The following SECTM1 variants were observed in gnomAD, a reference collection of about 807,000 sequenced individuals.
SECTM1 encodes the protein secreted and transmembrane protein 1.
Under a neutral mutation model 18.1 loss-of-function variants are expected in SECTM1, and 10 were observed. The observed-to-expected ratio is 0.55, with a 90% CI of 0.34 to 0.94. The LOEUF (loss-of-function observed/expected upper bound fraction) is 0.94. Among genes scored for constraint, SECTM1 ranks in the 40% least tolerant of loss-of-function variants. The pLI is 0.02. For synonymous variants in SECTM1, 137 were observed against 139.2 expected, an observed-to-expected ratio of 0.98 and a Z score of 0.11; for missense variants, 297 against 322.6, an observed-to-expected ratio of 0.92 and a Z score of 0.61.
rs962022562 is a variant in SECTM1, at chr17:82,321,475, G to A, written c.*686C>T. Reference sequence around the variant, plus strand: ...AACAGATCTGGGTCCAAAGAGGCTCGGCAGGTGCGGTGGGCACGAGGGAGC... The same window carrying A: ...AACAGATCTGGGTCCAAAGAGGCTCAGCAGGTGCGGTGGGCACGAGGGAGC... On this transcript the variant is annotated 3_prime_UTR_variant, in exon 5 of 5. Transcript: ENST00000269389. 16 of 152,474 alleles carry A rather than the reference G, an allele frequency of 1.0e-4. No individual in the cohort carries two copies. Among genetic ancestry groups the A allele is most frequent in the African/African-American group, 3.9e-4 (16 of 41,466 alleles). 9.4% of individuals were successfully genotyped at this position (152,474 alleles called of 1,614,324 possible).
At position 82,321,433 on chromosome 17, in the gene SECTM1, A is replaced by G. The variant is rs1485373214; in HGVS notation, c.*728T>C. The G allele has an allele frequency of 6.6e-6, 1 of 152,268 alleles. No individual in the cohort carries two copies. Among genetic ancestry groups the G allele is most frequent in the Non-Finnish European group, 1.5e-5 (1 of 68,072 alleles). 9.4% of individuals were successfully genotyped at this position (152,268 alleles called of 1,614,324 possible). On this transcript the variant is annotated 3_prime_UTR_variant, in exon 5 of 5. Coordinates refer to ENST00000269389, the MANE Select transcript of SECTM1 (RefSeq NM_003004.3). Reference sequence around the variant, plus strand: ...GACATCAAAGGGCCCCGCCGCAGTGACGAAGACAAAAGCATGAACAGATCT... The same window carrying G: ...GACATCAAAGGGCCCCGCCGCAGTGGCGAAGACAAAAGCATGAACAGATCT...
Position 82,322,232 on chromosome 17 carries a change from T to G in SECTM1, c.676A>C (p.Lys226Gln), listed in dbSNP as rs757235698. ...PTPRPLALVF[K>Q]PSPLGALELL... Reference sequence around the variant, plus strand: ...TCCAGGGCTCCAAGTGGTGAGGGTTTGAACACCAGTGCCAGCGGCCTTGGG... The same window carrying G: ...TCCAGGGCTCCAAGTGGTGAGGGTTGGAACACCAGTGCCAGCGGCCTTGGG... The change falls in exon 5 of 5, where the codon AAA becomes CAA. Residue 226 changes from lysine (K) to glutamine (Q), a missense_variant. Physicochemically the swap from Lys to Gln is moderately conservative, Grantham distance 53. Transcript: ENST00000269389. 1 of 1,612,086 alleles carries G rather than the reference T, an allele frequency of 6.2e-7. No individual in the cohort carries two copies. Among genetic ancestry groups the G allele is most frequent in the South Asian group, 1.1e-5 (1 of 90,950 alleles).
rs140568450 is a variant in SECTM1 at position 82,325,779 on chromosome 17, C to A, written c.95-889G>T. 6.6e-6 allele frequency among the ~76,000 whole-genome samples: 1 copy of A among 152,236 alleles called. No homozygotes were observed. The highest frequency in any genetic ancestry group is 2.4e-5 in the African/African-American group (1 of 41,462). ...GGTGCTGCTACTGTCCCTGCTGCGT[C>A]AGCGTCCACCAGTGACTGGACACGG... On this transcript the variant is annotated intron_variant, in intron 2 of 4. Transcript: ENST00000269389. This position sits in a 1 kb window ranked among gnomAD's most constrained non-coding sequence, Gnocchi z 7.6.
Position 82,321,431 on chromosome 17 carries a change from T to C in SECTM1, c.*730A>G, listed in dbSNP as rs2052086727. On this transcript the variant is annotated 3_prime_UTR_variant, in exon 5 of 5. Transcript: ENST00000269389. ...AAGACATCAAAGGGCCCCGCCGCAG[T>C]GACGAAGACAAAAGCATGAACAGAT... 6.6e-6 allele frequency: 1 copy of C among 152,216 alleles called. No homozygotes were observed. The highest frequency in any genetic ancestry group is 2.4e-5 in the African/African-American group (1 of 41,442). The allele number at this position is 152,216 out of a possible 1,614,324, so 9.4% of individuals were successfully genotyped here. A position where few individuals can be genotyped will look rare whatever the true frequency, so the allele number is the denominator to read the frequency against.
rs992165325 is a variant in SECTM1 at position 82,326,958 on chromosome 17, G to A, written c.94+189C>T. On this transcript the variant is annotated intron_variant, in intron 2 of 4. Transcript: ENST00000269389. This position sits in a 1 kb window ranked among gnomAD's most constrained non-coding sequence, Gnocchi z 4.3. ...CTCACCACCACCCTCCACCCACGGC[G>A]GGACACGGTCCACTCACCGCCACCT... Among the ~76,000 whole-genome samples the A allele has an allele frequency of 6.6e-6, 1 of 151,820 alleles. No individual in the cohort carries two copies. Among genetic ancestry groups the A allele is most frequent in the Non-Finnish European group, 1.5e-5 (1 of 67,898 alleles).
rs1172015287 is a variant in SECTM1, at chr17:82,326,163, G to T, written c.94+984C>A. Among the ~76,000 whole-genome samples the T allele has an allele frequency of 6.6e-6, 1 of 152,272 alleles. No homozygotes were observed. The highest frequency in any genetic ancestry group is 1.5e-5 in the Non-Finnish European group (1 of 68,042). On this transcript the variant is annotated intron_variant, in intron 2 of 4. Coordinates refer to ENST00000269389, the MANE Select transcript of SECTM1 (RefSeq NM_003004.3). This position sits in a 1 kb window ranked among gnomAD's most constrained non-coding sequence, Gnocchi z 4.3. Reference sequence around the variant, plus strand: ...TACACTTTGGAACCACTGTTGGGGGGTGGGGGCAGAATCTCCCGAAACCAG... The same window carrying T: ...TACACTTTGGAACCACTGTTGGGGGTTGGGGGCAGAATCTCCCGAAACCAG...
At position 82,329,385 on chromosome 17, in the gene SECTM1, G is replaced by A. The variant is rs1378947146; in HGVS notation, c.-52-2093C>T. 1 of 152,484 alleles carries A rather than the reference G, an allele frequency of 6.6e-6. No individual in the cohort carries two copies. The highest frequency in any genetic ancestry group is 1.5e-5 in the Non-Finnish European group (1 of 68,246). 9.4% of individuals were successfully genotyped at this position (152,484 alleles called of 1,614,324 possible). A position where few individuals can be genotyped will look rare whatever the true frequency, so the allele number is the denominator to read the frequency against. Reference sequence around the variant, plus strand: ...GAGGCTCAGGGATGGTCCCACATTGGCGCAGGCTGCGGGTGCCGTGTCCTG... The same window carrying A: ...GAGGCTCAGGGATGGTCCCACATTGACGCAGGCTGCGGGTGCCGTGTCCTG... On this transcript the variant is annotated intron_variant, in intron 1 of 4. Transcript: ENST00000269389. The surrounding 1 kb of genome is among the most constrained non-coding windows in gnomAD (Gnocchi z 7.6).
In SECTM1 at chr17:82,322,958, C is replaced by A. The variant is rs2052109114; in HGVS notation, c.457G>T (p.Val153Phe). The A allele has an allele frequency of 1.2e-6, 2 of 1,613,728 alleles. No homozygotes were observed. Among genetic ancestry groups the A allele is most frequent in the Non-Finnish European group, 8.5e-7 (1 of 1,179,928 alleles). ...ACCAAGAGGATGAAGACAGCAGTGA[C>A]CACCGCTGGCACAGGCCAGAACCCA... ...DTGFWPVPAVVTAVFILLVAL... is the reference protein window; with the variant it reads ...DTGFWPVPAVFTAVFILLVAL... Residue 153 changes from valine to phenylalanine, a missense_variant, in exon 4 of 5, where the codon GTC becomes TTC. Coordinates refer to ENST00000269389, the MANE Select transcript of SECTM1 (RefSeq NM_003004.3).
At position 82,329,631 on chromosome 17, in the gene SECTM1, G is replaced by A. The variant is rs1004742746; in HGVS notation, c.-52-2339C>T. On this transcript the variant is annotated intron_variant, in intron 1 of 4. Transcript: ENST00000269389. This position sits in a 1 kb window ranked among gnomAD's most constrained non-coding sequence, Gnocchi z 7.6. ...GCTCGGGCCCCATCTCCCATCATAC[G>A]TCCAGCATTCTAGATTAGCTGGAAG... Among the ~76,000 whole-genome samples, 12 of 151,892 alleles carry A rather than the reference G, an allele frequency of 7.9e-5. No individual in the cohort carries two copies. The highest frequency in any genetic ancestry group is 4.6e-4 in the Admixed American group (7 of 15,226).
chr17:82,327,256 G>A lies in SECTM1; in HGVS notation c.-16C>T, dbSNP rs1162602168. ...AGGTCTGCATGGCTGGTGGGACTTGGGCCCCTGGTCCTTGTCACTGGCTCT... is the reference window on the plus strand; with the variant it reads ...AGGTCTGCATGGCTGGTGGGACTTGAGCCCCTGGTCCTTGTCACTGGCTCT... On this transcript the variant is annotated 5_prime_UTR_variant, in exon 2 of 5. Coordinates refer to ENST00000269389, the MANE Select transcript of SECTM1 (RefSeq NM_003004.3). The A allele has an allele frequency of 6.3e-7, 1 of 1,592,316 alleles. No individual in the cohort carries two copies. Among genetic ancestry groups the A allele is most frequent in the Non-Finnish European group, 8.6e-7 (1 of 1,168,204 alleles).
chr17:82,333,920 G>T (rs1166359995), upstream of SECTM1: 2 of 152,274 alleles, frequency 1.3e-5, no homozygotes, highest in African/African-American at 4.8e-5. Flanking sequence ...TTATTTTCAC[G>T]GGAGGCACCG....
At position 82,328,779 on chromosome 17, in the gene SECTM1, G is replaced by C. The variant is rs183968264; in HGVS notation, c.-52-1487C>G. On this transcript the variant is annotated intron_variant, in intron 1 of 4. Coordinates refer to ENST00000269389, the MANE Select transcript of SECTM1 (RefSeq NM_003004.3). This position sits in a 1 kb window ranked among gnomAD's most constrained non-coding sequence, Gnocchi z 5.8. Reference sequence around the variant, plus strand: ...TTTCAGCCGAGAGAACTCCACCTTCGAAGGCGGCTGGGGCAAGGGTTCGTG... The same window carrying C: ...TTTCAGCCGAGAGAACTCCACCTTCCAAGGCGGCTGGGGCAAGGGTTCGTG... Among the ~76,000 whole-genome samples the C allele has an allele frequency of 6.6e-6, 1 of 152,120 alleles. No homozygotes were observed. The highest frequency in any genetic ancestry group is 2.4e-5 in the African/African-American group (1 of 41,416).
At chr17:82,323,249 A>G in intron 3 of SECTM1, 1 of 542,234 alleles carries the variant, frequency 1.8e-6, no homozygotes, top group Admixed American at 3.3e-5. Flanking sequence ...AGCGAGGGAA[A>G]CATCTACCCC....
rs1054345547 is a variant in SECTM1 at position 82,322,750 on chromosome 17, G to A, written c.537+128C>T. ...GGCCCCTGGCGGGGACTGGCTCTCT[G>A]GGACCGGTGCTCCCCCCACCCTCTC... On this transcript the variant is annotated intron_variant, in intron 4 of 4. Transcript: ENST00000269389. 5.8e-6 allele frequency: 7 copies of A among 1,202,384 alleles called. No homozygotes were observed. The Admixed American group carries it at 1.0e-4, about 17-fold the overall frequency. 74.5% of individuals were successfully genotyped at this position (1,202,384 alleles called of 1,614,324 possible).
At chr17:82,322,828 C>T (rs1215316487) in intron 4 of SECTM1, 50 bp downstream of exon 4, 5 of 1,603,854 alleles carry the variant, frequency 3.1e-6, no homozygotes, top group Admixed American at 3.4e-5. Context: ...CTGGGGCAGC[C>T]CCACCCAAGA....
At position 82,324,692 on chromosome 17, in the gene SECTM1, C is replaced by T. The variant is rs1174275297; in HGVS notation, c.293G>A (p.Gly98Asp). 1 of 1,614,032 alleles carries T rather than the reference C, an allele frequency of 6.2e-7. No homozygotes were observed. The highest frequency in any genetic ancestry group is 1.3e-5 in the African/African-American group (1 of 74,892). Residue 98 changes from glycine to aspartate, a missense_variant, in exon 3 of 5, where the codon GGC becomes GAC. Transcript: ENST00000269389. Reference protein sequence around the residue: ...RDGWQLQVQGGVAQLVIKGAR... With the variant: ...RDGWQLQVQGDVAQLVIKGAR... ...GCCTTTGATCACCAGCTGTGCCACG[C>T]CTCCCTGAACCTGGAGCTGCCAGCC... is the stretch of plus-strand genomic sequence containing the variant.
At position 82,326,527 on chromosome 17, in the gene SECTM1, A is replaced by G. The variant is rs1469357175; in HGVS notation, c.94+620T>C. On this transcript the variant is annotated intron_variant, in intron 2 of 4. Transcript: ENST00000269389. The surrounding 1 kb of genome is among the most constrained non-coding windows in gnomAD (Gnocchi z 4.3). ...GGTGGGAGGATCACCTGAGCCCAGG[A>G]GGTCGAGGCTGCGGTGAGCTGTGAT... Among the ~76,000 whole-genome samples the G allele has an allele frequency of 6.6e-6, 1 of 152,014 alleles. No homozygotes were observed. The highest frequency in any genetic ancestry group is 2.4e-5 in the African/African-American group (1 of 41,386).
chr17:82,322,875 T>C lies in SECTM1; in HGVS notation c.537+3A>G, dbSNP rs1376167044. 28 of 1,613,182 alleles carry C rather than the reference T, an allele frequency of 1.7e-5. No individual in the cohort carries two copies. Among genetic ancestry groups the C allele is most frequent in the Non-Finnish European group, 2.1e-5 (25 of 1,179,796 alleles). ...GCACAAACTGGGGTGCAGGGCCTCC[T>C]ACCTCCCGGCGTTGCTGGGAACAGC... On this transcript the variant is annotated splice_donor_region_variant and intron_variant, in intron 4 of 4. Coordinates refer to ENST00000269389, the MANE Select transcript of SECTM1 (RefSeq NM_003004.3).
Position 82,325,267 on chromosome 17 carries a change from C to T in SECTM1, c.95-377G>A, listed in dbSNP as rs1318721067. Among the ~76,000 whole-genome samples, 1 of 152,188 alleles carries T rather than the reference C, an allele frequency of 6.6e-6. No homozygotes were observed. The highest frequency in any genetic ancestry group is 2.4e-5 in the African/African-American group (1 of 41,442). ...GGCTGCGCTGTGGCAGGAGTGCTGC[C>T]ACTGACCTGCCGAATCACCCTCCTC... On this transcript the variant is annotated intron_variant, in intron 2 of 4. Transcript: ENST00000269389. The surrounding 1 kb of genome is among the most constrained non-coding windows in gnomAD (Gnocchi z 7.6).
Sources: allele counts gnomAD v4.1 joint callset (sites outside exome capture counted in the v4.1 genomes callset), GRCh38; gene constraint gnomAD v4.1.1; non-coding constraint Gnocchi (gnomAD v3.1); transcripts MANE v1.5; gene names NCBI Gene and HGNC (gene_info 2026-07-23, HGNC 2026-07-21).